Variants in RBFOX1 observed in about 807,000 individuals in gnomAD.
RBFOX1 encodes RNA binding protein fox-1 homolog 1.
In RBFOX1, 8 loss-of-function variants were observed where a neutral mutation model predicts 57.7. That is an observed-to-expected ratio of 0.14 (90% CI 0.08 to 0.25). RBFOX1 has a LOEUF of 0.25. Ranked by LOEUF, RBFOX1 falls within the 10% of genes least tolerant of loss-of-function variation. RBFOX1 has a pLI of 1.00. For missense variants in RBFOX1, 611 were observed against 548.5 expected, an observed-to-expected ratio of 1.11 and a Z score of -1.14; for synonymous variants, 326 against 222.4, an observed-to-expected ratio of 1.47 and a Z score of -4.15.
intron 5 of RBFOX1, among the ~76,000 whole-genome samples, chr16:7,537,125 A>C (rs992309791): frequency 6.6e-6 from 1 of 152,202 alleles, no homozygotes; most frequent in Admixed American, 6.5e-5. Context: ...TCTGACCACC[A>C]TGTGGACAGT....
In RBFOX1 at chr16:6,755,137, C is replaced by T. The variant is rs1456961278; in HGVS notation, c.-16+100487C>T. On this transcript the variant is annotated intron_variant, in intron 3 of 15. Coordinates refer to ENST00000550418, the MANE Select transcript of RBFOX1 (RefSeq NM_018723.4). ...CATTTGGGTTGGTTCCAAGTCTTTG[C>T]TATTGGGGATAGTGCCGCAATAAAC... Among the ~76,000 whole-genome samples, 7 of 152,250 alleles carry T rather than the reference C, an allele frequency of 4.6e-5. 2 individuals are homozygous for T. Among genetic ancestry groups the T allele is most frequent in the African/African-American group, 1.2e-4 (5 of 41,540 alleles).
chr16:6,875,839 T>C (rs756578968), intron 3 of RBFOX1, among the ~76,000 whole-genome samples: 3 of 151,672 alleles, frequency 2.0e-5, no homozygotes, highest in Non-Finnish European at 2.9e-5. Flanking sequence ...ACCTCATCTC[T>C]ACAAAAAAAT....
At chr16:6,005,214 AAG>A (rs1201391206) in intron 4 of RBFOX1, among the ~76,000 whole-genome samples, 2 of 152,208 alleles carry the variant, frequency 1.3e-5, no homozygotes, top group African/African-American at 2.4e-5. Context: ...TATTCGTGGA[AAG>A]AGGGGAAAAA....
At chr16:5,733,534 T>A (rs1000189192) in intron 3 of RBFOX1, among the ~76,000 whole-genome samples, 1 of 152,130 alleles carries the variant, frequency 6.6e-6, no homozygotes, top group African/African-American at 2.4e-5. Flanking sequence ...TACGTGACCT[T>A]GGCCAGGTCA....
chr16:6,905,167 T>G (rs146603554), intron 3 of RBFOX1, among the ~76,000 whole-genome samples: 24 of 152,318 alleles, frequency 1.6e-4, no homozygotes, highest in South Asian at 6.2e-4. Context: ...TTTCAAATCC[T>G]TTATTCTTTA....
At chr16:7,609,007 C>T (rs771272932) in intron 10 of RBFOX1, among the ~76,000 whole-genome samples, 1 of 152,088 alleles carries the variant, frequency 6.6e-6, no homozygotes, top group Non-Finnish European at 1.5e-5. Context: ...TCAGGGGACA[C>T]ACAGAACATG....
chr16:5,365,901 G>A, intron 1 of RBFOX1: 3 of 501,338 alleles, frequency 6.0e-6, no homozygotes, highest in South Asian at 4.4e-5. Flanking sequence ...GGTGGATAAT[G>A]ATGAAAAGGA....
At chr16:6,478,429 ATTTTT>A (rs58352204) in intron 2 of RBFOX1, among the ~76,000 whole-genome samples, 127 of 24,562 alleles carry the variant, frequency 5.2e-3, no homozygotes, top group African/African-American at 0.016. Flanking sequence ...ATATATATAT[ATTTTT>A]TTTTTTTTTT....
At chr16:5,344,697 C>G (rs899869379) in intron 1 of RBFOX1, among the ~76,000 whole-genome samples, 1 of 152,086 alleles carries the variant, frequency 6.6e-6, no homozygotes, top group Non-Finnish European at 1.5e-5. Flanking sequence ...TATCTGCATT[C>G]CAAATTATAT....
chr16:6,735,669 A>G (rs572748972), intron 3 of RBFOX1, among the ~76,000 whole-genome samples: 1 of 152,130 alleles, frequency 6.6e-6, no homozygotes, highest in South Asian at 2.1e-4. Flanking sequence ...CAATGCTGAG[A>G]CTCTCTCAGA....
intron 3 of RBFOX1, among the ~76,000 whole-genome samples, chr16:7,016,444 T>C (rs1377078012): frequency 2.0e-5 from 3 of 152,200 alleles, no homozygotes; most frequent in Non-Finnish European, 4.4e-5. Flanking sequence ...TCTGGGCTCA[T>C]GTTTCTCACT....
intron 3 of RBFOX1, among the ~76,000 whole-genome samples, chr16:5,631,076 C>T (rs187729341): frequency 6.6e-6 from 1 of 152,314 alleles, no homozygotes; most frequent in African/African-American, 2.4e-5. Flanking sequence ...CAAAACGTGA[C>T]TGTTGGCACT....
intron 1 of RBFOX1, among the ~76,000 whole-genome samples, chr16:5,263,161 G>C (rs566725548): frequency 2.0e-5 from 3 of 152,266 alleles, no homozygotes; most frequent in African/African-American, 7.2e-5. Flanking sequence ...GTGGGGAATG[G>C]ACTTCCAGTA....
intron 3 of RBFOX1, among the ~76,000 whole-genome samples, chr16:5,715,223 A>C (rs1488741569): frequency 2.6e-5 from 4 of 152,214 alleles, no homozygotes; most frequent in African/African-American, 9.6e-5. Flanking sequence ...ACAACCCTAT[A>C]AATCAGGTCT....
chr16:6,866,080 G>C (rs1205089612), intron 3 of RBFOX1, among the ~76,000 whole-genome samples: 2 of 150,844 alleles, frequency 1.3e-5, no homozygotes, highest in Non-Finnish European at 3.0e-5. Flanking sequence ...GAAGCCAAAA[G>C]ATGATATTTT....
intron 2 of RBFOX1, among the ~76,000 whole-genome samples, chr16:6,588,415 G>A (rs1309773982): frequency 1.3e-5 from 2 of 152,066 alleles, no homozygotes; most frequent in Admixed American, 1.3e-4. Context: ...CAATTTGGGA[G>A]GCCAAGGCAG....
chr16:7,486,986 G>C (rs1197628107), intron 4 of RBFOX1, among the ~76,000 whole-genome samples: 3 of 152,048 alleles, frequency 2.0e-5, no homozygotes, highest in Non-Finnish European at 4.4e-5. Context: ...TGCAACCTCT[G>C]CCTCCCGGGT....
intron 2 of RBFOX1, among the ~76,000 whole-genome samples, chr16:6,447,096 C>T (rs571835050): frequency 6.6e-6 from 1 of 152,188 alleles, no homozygotes; most frequent in African/African-American, 2.4e-5. Context: ...AAACCGCACA[C>T]CAGATTGCGA....
intron 3 of RBFOX1, among the ~76,000 whole-genome samples, chr16:6,827,380 C>G (rs1034222097): frequency 1.3e-5 from 2 of 152,070 alleles, no homozygotes; most frequent in African/African-American, 4.8e-5. Context: ...CCTTATCTGA[C>G]CCAGCATTAT....
Sources: gnomAD v4.1 joint callset for allele counts (sites outside exome capture counted in the v4.1 genomes callset) on GRCh38, gnomAD v4.1.1 for gene constraint, MANE v1.5 for transcripts, NCBI Gene and HGNC (gene_info 2026-07-23, HGNC 2026-07-21) for gene names.